Variants in CDK6 observed in about 807,000 individuals in gnomAD.
CDK6 encodes cyclin dependent kinase 6.
CDK6 carries 6 observed loss-of-function variants against 37.1 expected under a neutral mutation model. The observed-to-expected ratio is 0.16, with a 90% CI of 0.09 to 0.32. The LOEUF (loss-of-function observed/expected upper bound fraction) is 0.32, where lower values mean the gene tolerates loss of function less well. Among genes scored for constraint, CDK6 ranks in the 10% least tolerant of loss-of-function variants. The pLI, the probability that CDK6 is intolerant of heterozygous loss-of-function variation, is 1.00. For missense variants in CDK6, 224 were observed against 418.9 expected (o/e 0.53, Z 4.06); for synonymous variants, 160 against 161.3 (o/e 0.99, Z 0.06).
chr7:92,665,664 A>C (rs994496637), intron 5 of CDK6, among the ~76,000 whole-genome samples: 1 of 152,246 alleles, frequency 6.6e-6, no homozygotes, highest in Non-Finnish European at 1.5e-5. Flanking sequence ...CCTTTCCAAT[A>C]CAGGACAGAT....
intron 3 of CDK6, among the ~76,000 whole-genome samples, chr7:92,765,767 A>G (rs751532248): frequency 2.0e-5 from 3 of 152,212 alleles, no homozygotes; most frequent in South Asian, 2.1e-4. Context: ...AAAAACAAAC[A>G]TAAAAAATAA....
rs1257056144 is a variant in CDK6 at position 92,626,674 on chromosome 7, A to C, written c.648-3588T>G. 2.0e-5 allele frequency among the ~76,000 whole-genome samples: 3 copies of C among 152,198 alleles called. No homozygotes were observed. The East Asian group carries it at 5.8e-4, about 29-fold the overall frequency. On this transcript the variant is annotated intron_variant, in intron 5 of 7. Transcript: ENST00000424848. The stretch of plus-strand genomic sequence containing the variant: ...TACAAGTAAGATGACAAGGGCCTCA[A>C]CTAGGTGGGACAAGGAAATGGCTAG...
At chr7:92,658,974 C>T (rs1050898549) in intron 5 of CDK6, among the ~76,000 whole-genome samples, 2 of 152,114 alleles carry the variant, frequency 1.3e-5, no homozygotes, top group Non-Finnish European at 2.9e-5. Context: ...AGCTCAAGCA[C>T]CATTAATTCA....
chr7:92,650,342 T>C (rs1796544339), intron 5 of CDK6, among the ~76,000 whole-genome samples: 1 of 152,230 alleles, frequency 6.6e-6, no homozygotes, highest in Admixed American at 6.5e-5. Context: ...TGTGTAGACA[T>C]TCTCAGCCAG....
chr7:92,614,519 C>T lies in CDK6; in HGVS notation c.*621G>A, dbSNP rs1456910878. The T allele has an allele frequency of 8.6e-6, 2 of 233,092 alleles. No homozygotes were observed. Among genetic ancestry groups the T allele is most frequent in the Admixed American group, 1.1e-4 (2 of 17,764 alleles). The allele number at this position is 233,092 out of a possible 1,614,324, so 14.4% of individuals were successfully genotyped here. On this transcript the variant is annotated 3_prime_UTR_variant, in exon 8 of 8. Transcript: ENST00000424848. The stretch of plus-strand genomic sequence containing the variant: ...CTGCTAGCAAATTTACTGCTTTTGG[C>T]CAGAAAAGAAATGCTGAGGACATGG...
rs886992824 is a variant in CDK6, at chr7:92,672,208, C to G, written c.538-673G>C. 5.1e-3 allele frequency among the ~76,000 whole-genome samples: 675 copies of G among 132,038 alleles called. 4 individuals are homozygous for G. Among genetic ancestry groups the G allele is most frequent in the Non-Finnish European group, 8.5e-3 (539 of 63,204 alleles). 86.6% of individuals were successfully genotyped at this position (132,038 alleles called of 152,430 possible). A position where few individuals can be genotyped will look rare whatever the true frequency, so the allele number is the denominator to read the frequency against. ...AGACACATACACACACACACACACA[C>G]ACACACACACACACACACACACACA... On this transcript the variant is annotated intron_variant, in intron 4 of 7. Coordinates refer to ENST00000424848, the MANE Select transcript of CDK6 (RefSeq NM_001145306.2).
rs1795416325 is a variant in CDK6, at chr7:92,605,860, C to CT, written c.*9279_*9280insA. ...GCACCCACAGGGTGGACCCGACAGG[C>CT]CACTGTGGTAACTCTCAATCTGTGT... On this transcript the variant is annotated 3_prime_UTR_variant, in exon 8 of 8. Coordinates refer to ENST00000424848, the MANE Select transcript of CDK6 (RefSeq NM_001145306.2). 1 of 233,374 alleles carries CT rather than the reference C, an allele frequency of 4.3e-6. No individual in the cohort carries two copies. Among genetic ancestry groups the CT allele is most frequent in the Admixed American group, 5.6e-5 (1 of 17,772 alleles). 14.5% of individuals were successfully genotyped at this position (233,374 alleles called of 1,614,324 possible). A position where few individuals can be genotyped will look rare whatever the true frequency, so the allele number is the denominator to read the frequency against.
intron 4 of CDK6, among the ~76,000 whole-genome samples, chr7:92,720,245 C>A (rs1414294534): frequency 6.6e-6 from 1 of 152,130 alleles, no homozygotes; most frequent in Non-Finnish European, 1.5e-5. Context: ...ATTTGTGGAA[C>A]CTCTAAATAC....
At chr7:92,677,753 T>A (rs982079190) in intron 4 of CDK6, among the ~76,000 whole-genome samples, 1 of 152,238 alleles carries the variant, frequency 6.6e-6, no homozygotes, top group African/African-American at 2.4e-5. Context: ...GGCTGTTCTA[T>A]AATTTCTGAA....
intron 5 of CDK6, among the ~76,000 whole-genome samples, chr7:92,632,668 T>C (rs1398727539): frequency 2.0e-5 from 3 of 152,188 alleles, no homozygotes; most frequent in Non-Finnish European, 4.4e-5. Flanking sequence ...ATATTTTGAA[T>C]GATTCATCAT....
intron 2 of CDK6, among the ~76,000 whole-genome samples, chr7:92,825,856 T>C (rs1049955137): frequency 6.6e-6 from 1 of 152,214 alleles, no homozygotes; most frequent in African/African-American, 2.4e-5. Flanking sequence ...GTTAATGTCT[T>C]CTTTGCAGTA....
chr7:92,632,820 G>A (rs539530032), intron 5 of CDK6, among the ~76,000 whole-genome samples: 13 of 151,308 alleles, frequency 8.6e-5, no homozygotes, highest in African/African-American at 2.2e-4. Context: ...AAATATATAC[G>A]CATTGTGGAA....
At chr7:92,795,147 GTTA>G (rs1458560047) in intron 2 of CDK6, among the ~76,000 whole-genome samples, 5 of 152,064 alleles carry the variant, frequency 3.3e-5, no homozygotes, top group Admixed American at 6.6e-5. Context: ...TCTCTGAAAA[GTTA>G]TTGTCGTTTT....
chr7:92,766,690 A>G (rs74523723), intron 3 of CDK6, among the ~76,000 whole-genome samples: 1 of 152,300 alleles, frequency 6.6e-6, no homozygotes, highest in African/African-American at 2.4e-5. Context: ...TTAGATGAGA[A>G]ATAGCCTTCC....
At chr7:92,769,892 A>G (rs1460634244) in intron 3 of CDK6, among the ~76,000 whole-genome samples, 1 of 152,210 alleles carries the variant, frequency 6.6e-6, no homozygotes, top group Non-Finnish European at 1.5e-5. Context: ...ATAAAGCTCC[A>G]TAAATGGAAG....
intron 3 of CDK6, among the ~76,000 whole-genome samples, chr7:92,760,856 C>T (rs1478658562): frequency 6.6e-6 from 1 of 151,924 alleles, no homozygotes; most frequent in Non-Finnish European, 1.5e-5. Context: ...GAGATGTATT[C>T]ATTTTGCTAG....
chr7:92,701,014 A>T (rs1260002234), intron 4 of CDK6, among the ~76,000 whole-genome samples: 2 of 152,230 alleles, frequency 1.3e-5, no homozygotes, highest in Non-Finnish European at 2.9e-5. Context: ...GACAGAGACA[A>T]CTGAAGCTGC....
intron 5 of CDK6, among the ~76,000 whole-genome samples, chr7:92,664,934 T>G (rs1456025699): frequency 6.6e-6 from 1 of 151,900 alleles, no homozygotes; most frequent in Non-Finnish European, 1.5e-5. Context: ...TACAGGAGCA[T>G]GCCACCACGC....
chr7:92,769,529 G>A (rs890282799), intron 3 of CDK6, among the ~76,000 whole-genome samples: 1 of 152,076 alleles, frequency 6.6e-6, no homozygotes, highest in African/African-American at 2.4e-5. Context: ...TTCATGCACA[G>A]AATGTCCACA....
Sources: allele counts gnomAD v4.1 joint callset (sites outside exome capture counted in the v4.1 genomes callset), GRCh38; gene constraint gnomAD v4.1.1; transcripts MANE v1.5; gene names NCBI Gene and HGNC (gene_info 2026-07-23, HGNC 2026-07-21).